Variants in MCC observed in about 807,000 individuals in gnomAD.
MCC encodes the protein colorectal mutant cancer protein.
A neutral mutation model predicts 116.2 loss-of-function variants in MCC; 90 were observed. The observed-to-expected ratio is 0.77, with a 90% CI of 0.65 to 0.92. MCC has a LOEUF of 0.92. Among genes scored for constraint, MCC ranks in the 40% least tolerant of loss-of-function variants. MCC has a pLI of 0.00. For missense variants in MCC, 1,516 were observed against 1,312.2 expected, an observed-to-expected ratio of 1.16 and a Z score of -2.40; for synonymous variants, 578 against 510.5, an observed-to-expected ratio of 1.13 and a Z score of -1.78.
At chr5:113,289,897 C>T (rs1299605490) in intron 3 of MCC, among the ~76,000 whole-genome samples, 1 of 152,128 alleles carries the variant, frequency 6.6e-6, no homozygotes, top group Non-Finnish European at 1.5e-5. Context: ...AATGCTATGG[C>T]TAAGACAGAC....
At chr5:113,420,256 A>G (rs1770291377) in intron 1 of MCC, among the ~76,000 whole-genome samples, 1 of 137,354 alleles carries the variant, frequency 7.3e-6, no homozygotes, top group Non-Finnish European at 1.5e-5. Flanking sequence ...TGCTATCCAT[A>G]GAAGAAAAAA....
intron 13 of MCC, among the ~76,000 whole-genome samples, chr5:113,066,401 G>A (rs1229952583): frequency 6.6e-6 from 1 of 152,114 alleles, no homozygotes; most frequent in Non-Finnish European, 1.5e-5. Context: ...AAAGTTTTAT[G>A]GTTCAGTTAA....
intron 3 of MCC, among the ~76,000 whole-genome samples, chr5:113,319,160 G>A (rs1767358680): frequency 1.3e-5 from 2 of 152,194 alleles, no homozygotes; most frequent in Admixed American, 6.5e-5. Flanking sequence ...GAACCTCTGT[G>A]CCAAGCCTTC....
intron 2 of MCC, among the ~76,000 whole-genome samples, chr5:113,381,646 GGCCTGGTGGTGCAT>G (rs990981803): frequency 9.2e-5 from 14 of 152,026 alleles, no homozygotes; most frequent in Non-Finnish European, 1.3e-4. Flanking sequence ...ATATTAGCTG[GGCCTGGTGGTGCAT>G]GCCTGTAGTT....
intron 1 of MCC, among the ~76,000 whole-genome samples, chr5:113,447,405 A>G (rs557956100): frequency 1.8e-4 from 27 of 152,324 alleles, no homozygotes; most frequent in South Asian, 8.3e-4. Flanking sequence ...GTACAATTTG[A>G]AAAATATGCT....
intron 17 of MCC, among the ~76,000 whole-genome samples, chr5:113,040,159 G>A (rs892264797): frequency 3.4e-5 from 5 of 147,880 alleles, no homozygotes; most frequent in African/African-American, 1.0e-4. Context: ...CAGACCAGAT[G>A]GGAGTTATAC....
intron 1 of MCC, among the ~76,000 whole-genome samples, chr5:113,389,093 TAA>T (rs2150394858): frequency 6.6e-6 from 1 of 152,310 alleles, no homozygotes; most frequent in East Asian, 1.9e-4. Flanking sequence ...AATGAGAATA[TAA>T]AGTTACATTT....
chr5:113,266,981 G>A (rs1765446186), intron 3 of MCC, among the ~76,000 whole-genome samples: 1 of 152,300 alleles, frequency 6.6e-6, no homozygotes, highest in East Asian at 1.9e-4. Flanking sequence ...CAGTTAGCAT[G>A]TGGCCTCGGG....
intron 2 of MCC, among the ~76,000 whole-genome samples, chr5:113,364,262 C>CAAAAAAAAAA (rs1561538969): frequency 2.5e-5 from 2 of 78,608 alleles, no homozygotes; most frequent in Non-Finnish European, 5.2e-5. Flanking sequence ...AAAAAAAAAC[C>CAAAAAAAAAA]AGAAAAAAAA....
chr5:113,239,291 T>C (rs1368537831), intron 3 of MCC, among the ~76,000 whole-genome samples: 1 of 152,154 alleles, frequency 6.6e-6, no homozygotes, highest in African/African-American at 2.4e-5. Flanking sequence ...CAGGAATAAA[T>C]CTGCCATGGA....
intron 3 of MCC, among the ~76,000 whole-genome samples, chr5:113,274,608 G>A (rs762790990): frequency 3.3e-5 from 5 of 152,078 alleles, no homozygotes; most frequent in African/African-American, 7.2e-5. Context: ...TGGTCCGACC[G>A]CCTTAGTCTC....
rs529126338 is a variant in MCC, at chr5:113,241,145, G to A, written c.628-89723C>T. Among the ~76,000 whole-genome samples the A allele has an allele frequency of 2.6e-5, 4 of 152,326 alleles. No individual in the cohort carries two copies. In the South Asian group the frequency reaches 8.3e-4, roughly 32 times the overall value. Reference sequence around the variant, plus strand: ...GCTATATGACATATTGCTCTAAACTGTACAGAAACTCAACTAACTTGCAGT... The same window carrying A: ...GCTATATGACATATTGCTCTAAACTATACAGAAACTCAACTAACTTGCAGT... On this transcript the variant is annotated intron_variant, in intron 3 of 18. Transcript: ENST00000408903.
At chr5:113,470,664 A>G (rs2150430856) in intron 1 of MCC, among the ~76,000 whole-genome samples, 1 of 151,700 alleles carries the variant, frequency 6.6e-6, no homozygotes, top group Non-Finnish European at 1.5e-5. Flanking sequence ...TGTGTCTTGG[A>G]GTTGCTCTTC....
intron 17 of MCC, among the ~76,000 whole-genome samples, chr5:113,031,138 A>C (rs1269629852): frequency 6.6e-6 from 1 of 152,186 alleles, no homozygotes. Flanking sequence ...AGGAATTACA[A>C]CGTAAAATCC....
At chr5:113,338,077 C>T (rs1186506964) in intron 3 of MCC, among the ~76,000 whole-genome samples, 1 of 152,202 alleles carries the variant, frequency 6.6e-6, no homozygotes, top group South Asian at 2.1e-4. Context: ...TACTCTACCA[C>T]AGGGTCCAAG....
chr5:113,468,849 T>A (rs1183641368), intron 1 of MCC, among the ~76,000 whole-genome samples: 1 of 152,190 alleles, frequency 6.6e-6, no homozygotes, highest in Non-Finnish European at 1.5e-5. Context: ...GATTATTGCC[T>A]CAATTTCAGA....
chr5:113,422,766 A>G (rs1257563881), intron 1 of MCC, among the ~76,000 whole-genome samples: 2 of 152,190 alleles, frequency 1.3e-5, no homozygotes, highest in African/African-American at 2.4e-5. Context: ...GGCATCGGAG[A>G]TAAATAGGAA....
At chr5:113,394,402 T>C (rs1341795144) in intron 1 of MCC, among the ~76,000 whole-genome samples, 3 of 152,150 alleles carry the variant, frequency 2.0e-5, no homozygotes, top group Non-Finnish European at 4.4e-5. Context: ...AAATCCTTTA[T>C]TTGCTCCCCA....
rs192639979 is a variant in MCC at position 113,302,266 on chromosome 5, C to T, written c.627+38253G>A. Among the ~76,000 whole-genome samples the T allele has an allele frequency of 3.9e-5, 6 of 152,184 alleles. No individual in the cohort carries two copies. The East Asian group carries it at 1.2e-3, about 29-fold the overall frequency. The stretch of plus-strand genomic sequence containing the variant: ...TGTTACATTAACCACAAAAAAAACC[C>T]TATATAACTCTACTAGACAAAACAA... On this transcript the variant is annotated intron_variant, in intron 3 of 18. Coordinates refer to ENST00000408903, the MANE Select transcript of MCC (RefSeq NM_001085377.2).
Sources: gnomAD v4.1 joint callset for allele counts (sites outside exome capture counted in the v4.1 genomes callset) on GRCh38, gnomAD v4.1.1 for gene constraint, MANE v1.5 for transcripts, NCBI Gene and HGNC (gene_info 2026-07-23, HGNC 2026-07-21) for gene names.